The following CTNNA3 variants were observed in gnomAD, a reference collection of about 807,000 sequenced individuals.
CTNNA3 encodes the protein catenin alpha 3, also known as catenin alpha-3.
CTNNA3 carries 76 observed loss-of-function variants against 95.7 expected under a neutral mutation model. The ratio of observed to expected loss-of-function variants is 0.79; its 90% CI spans 0.66 to 0.96. The LOEUF (loss-of-function observed/expected upper bound fraction) is 0.96, where lower values mean the gene tolerates loss of function less well. Among genes scored for constraint, CTNNA3 ranks in the 40% least tolerant of loss-of-function variants. The pLI is 0.00. For missense variants in CTNNA3, 1,191 were observed against 1,089.8 expected, an observed-to-expected ratio of 1.09 and a Z score of -1.31; for synonymous variants, 431 against 374.4, an observed-to-expected ratio of 1.15 and a Z score of -1.74.
chr10:67,206,160 C>A (rs1753729744), intron 6 of CTNNA3, among the ~76,000 whole-genome samples: 1 of 152,112 alleles, frequency 6.6e-6, no homozygotes, highest in Non-Finnish European at 1.5e-5. Flanking sequence ...ATTCAAATTA[C>A]CAGGTGAGTT....
At chr10:66,270,224 T>TG (rs201185571) in intron 13 of CTNNA3, among the ~76,000 whole-genome samples, 3,683 of 95,606 alleles carry the variant, frequency 0.039, 127 homozygotes, top group African/African-American at 0.12. Context: ...TAACATTTTT[T>TG]GGGGGGGGGG....
chr10:67,496,602 G>A (rs1399700198), intron 5 of CTNNA3, among the ~76,000 whole-genome samples: 3 of 152,116 alleles, frequency 2.0e-5, no homozygotes, highest in African/African-American at 7.2e-5. Flanking sequence ...TTTCATATAG[G>A]TAACTGAATA....
Position 66,461,672 on chromosome 10 carries a change from G to A in CTNNA3, c.1531+58945C>T, listed in dbSNP as rs554978189. Among the ~76,000 whole-genome samples the A allele has an allele frequency of 5.2e-5, 7 of 134,246 alleles. No individual in the cohort carries two copies. The South Asian group carries it at 9.7e-4, about 19-fold the overall frequency. 88.1% of individuals were successfully genotyped at this position (134,246 alleles called of 152,430 possible). ...ATGTAGAGCTTCAGTTTGCACTCAC[G>A]TTATATATATATGTATATATATATA... On this transcript the variant is annotated intron_variant, in intron 11 of 17. Coordinates refer to ENST00000433211, the MANE Select transcript of CTNNA3 (RefSeq NM_013266.4).
chr10:65,959,892 T>C (rs189531395), intron 17 of CTNNA3, among the ~76,000 whole-genome samples: 9 of 152,160 alleles, frequency 5.9e-5, no homozygotes, highest in African/African-American at 2.2e-4. Flanking sequence ...TGAAGCTGCA[T>C]CAGGTTCCAA....
chr10:67,406,061 C>A (rs537135701), intron 5 of CTNNA3, among the ~76,000 whole-genome samples: 2 of 152,274 alleles, frequency 1.3e-5, no homozygotes, highest in East Asian at 3.9e-4. Flanking sequence ...TGAGTGAGTT[C>A]TCAGGAGAGC....
intron 13 of CTNNA3, among the ~76,000 whole-genome samples, chr10:66,196,563 A>G (rs868035274): frequency 1.3e-5 from 2 of 152,306 alleles, no homozygotes; most frequent in Middle Eastern, 3.4e-3. Flanking sequence ...TTACTGATTC[A>G]CATTAGGATT....
chr10:66,339,610 A>T (rs1019458448), intron 12 of CTNNA3, among the ~76,000 whole-genome samples: 1 of 151,866 alleles, frequency 6.6e-6, no homozygotes, highest in African/African-American at 2.4e-5. Context: ...CCTAACCCCC[A>T]AATTCCTTTT....
At chr10:66,563,805 AG>A (rs1842624923) in intron 10 of CTNNA3, among the ~76,000 whole-genome samples, 1 of 152,106 alleles carries the variant, frequency 6.6e-6, no homozygotes, top group South Asian at 2.1e-4. Flanking sequence ...AGCCAGACTA[AG>A]ACATAAGTGA....
chr10:66,702,986 T>A, intron 9 of CTNNA3, among the ~76,000 whole-genome samples: 1 of 152,144 alleles, frequency 6.6e-6, no homozygotes, highest in East Asian at 1.9e-4. Flanking sequence ...TCCCCATTGG[T>A]CAATGAAGAA....
intron 7 of CTNNA3, among the ~76,000 whole-genome samples, chr10:67,163,598 C>T (rs1051051477): frequency 1.3e-5 from 2 of 151,910 alleles, no homozygotes; most frequent in South Asian, 4.1e-4. Context: ...CACTTACGCA[C>T]CATATTTCTG....
intron 1 of CTNNA3, among the ~76,000 whole-genome samples, chr10:67,685,978 GTCTC>G (rs748024440): frequency 1.3e-5 from 2 of 151,236 alleles, no homozygotes; most frequent in Admixed American, 1.3e-4. Flanking sequence ...CTTTGACTTT[GTCTC>G]TCTCTTTCTT....
In CTNNA3 at chr10:67,445,214, A is replaced by G. The variant is rs1392427011; in HGVS notation, c.579+76628T>C. ...AAACATACAACAAATACACACACAA[A>G]AAAAGCAAGAAATTAAATCATAACA... is the stretch of plus-strand genomic sequence containing the variant. On this transcript the variant is annotated intron_variant, in intron 5 of 17. Transcript: ENST00000433211. 4.6e-5 allele frequency among the ~76,000 whole-genome samples: 7 copies of G among 152,174 alleles called. No individual in the cohort carries two copies. The East Asian group carries it at 1.2e-3, about 25-fold the overall frequency.
chr10:67,056,325 G>A (rs1855425636), intron 7 of CTNNA3, among the ~76,000 whole-genome samples: 1 of 152,128 alleles, frequency 6.6e-6, no homozygotes, highest in Non-Finnish European at 1.5e-5. Context: ...TATTTCTCTG[G>A]CTTGCAGTTA....
At chr10:66,272,023 G>A (rs2091293029) in intron 13 of CTNNA3, among the ~76,000 whole-genome samples, 1 of 152,180 alleles carries the variant, frequency 6.6e-6, no homozygotes, top group Non-Finnish European at 1.5e-5. Context: ...ACCAGTGCCA[G>A]CAGGCGTTCC....
rs1157960029 is a variant in CTNNA3, at chr10:65,991,810, C to T, written c.2160-3013G>A. Among the ~76,000 whole-genome samples, 2 of 152,074 alleles carry T rather than the reference C, an allele frequency of 1.3e-5. 1 individual carries two copies. Among genetic ancestry groups the T allele is most frequent in the East Asian group, 3.9e-4 (2 of 5,190 alleles). On this transcript the variant is annotated intron_variant, in intron 15 of 17. Coordinates refer to ENST00000433211, the MANE Select transcript of CTNNA3 (RefSeq NM_013266.4). Reference sequence around the variant, plus strand: ...CCTGAAGGGGAGTTATAAAAGTGGGCATCCTCATCTTGTTCCGGATCTTGA... The same window carrying T: ...CCTGAAGGGGAGTTATAAAAGTGGGTATCCTCATCTTGTTCCGGATCTTGA...
chr10:66,406,707 A>AAT (rs2093060289), intron 11 of CTNNA3, among the ~76,000 whole-genome samples: 1 of 152,154 alleles, frequency 6.6e-6, no homozygotes, highest in African/African-American at 2.4e-5. Flanking sequence ...TTCAAATACC[A>AAT]ATATATTAAG....
intron 7 of CTNNA3, among the ~76,000 whole-genome samples, chr10:67,121,520 A>G (rs1170077734): frequency 6.6e-6 from 1 of 152,038 alleles, no homozygotes; most frequent in African/African-American, 2.4e-5. Flanking sequence ...CGTTAGATTC[A>G]TTCCTCTAAG....
At chr10:66,979,940 C>T (rs1371097461) in intron 7 of CTNNA3, among the ~76,000 whole-genome samples, 4 of 152,246 alleles carry the variant, frequency 2.6e-5, no homozygotes, top group South Asian at 2.1e-4. Flanking sequence ...TCCTCAAGTA[C>T]TGTTGGAACA....
chr10:65,989,407 T>C (rs1355848877), intron 15 of CTNNA3, among the ~76,000 whole-genome samples: 1 of 152,160 alleles, frequency 6.6e-6, no homozygotes, highest in Non-Finnish European at 1.5e-5. Context: ...AAACTCAGCC[T>C]AGAGATACCC....
Sources: gnomAD v4.1 joint callset for allele counts (sites outside exome capture counted in the v4.1 genomes callset) on GRCh38, gnomAD v4.1.1 for gene constraint, MANE v1.5 for transcripts, NCBI Gene and HGNC (gene_info 2026-07-23, HGNC 2026-07-21) for gene names.